AUTS2: variants seen among roughly 807,000 people sequenced by gnomAD.
The protein encoded by AUTS2 is activator of transcription and developmental regulator AUTS2.
AUTS2 carries 17 observed loss-of-function variants against 112.4 expected under a neutral mutation model. The ratio of observed to expected loss-of-function variants is 0.15; its 90% CI spans 0.10 to 0.23. The LOEUF is 0.23. Ranked by LOEUF, AUTS2 falls within the 10% of genes least tolerant of loss-of-function variation. AUTS2 has a pLI of 1.00. For synonymous variants in AUTS2, 751 were observed against 702.7 expected (o/e 1.07, Z -1.09); for missense variants, 1,510 against 1,701.6 (o/e 0.89, Z 1.98).
At chr7:70,431,961 G>C (rs1450256974) in intron 4 of AUTS2, among the ~76,000 whole-genome samples, 8 of 152,208 alleles carry the variant, frequency 5.3e-5, no homozygotes, top group Admixed American at 5.2e-4. Flanking sequence ...GTGATGGTTT[G>C]GGTCATGTCT....
Position 70,714,440 on chromosome 7 carries a change from A to T in AUTS2, c.742+15820A>T, listed in dbSNP as rs944122652. The stretch of plus-strand genomic sequence containing the variant: ...AAAAGAACATTTCTTACAAAATCAC[A>T]TGTTGTTATCACACTAACTAAATAT... On this transcript the variant is annotated intron_variant, in intron 6 of 18. Transcript: ENST00000342771. Among the ~76,000 whole-genome samples, 4 of 152,268 alleles carry T rather than the reference A, an allele frequency of 2.6e-5. No homozygotes were observed. In the South Asian group the frequency reaches 8.3e-4, roughly 32 times the overall value.
chr7:69,893,185 A>T (rs973234058), intron 1 of AUTS2, among the ~76,000 whole-genome samples: 4 of 152,220 alleles, frequency 2.6e-5, no homozygotes, highest in African/African-American at 9.6e-5. Flanking sequence ...TTAGGGATTA[A>T]TGTTTGAATG....
chr7:70,444,265 T>C (rs1419493134), intron 5 of AUTS2, among the ~76,000 whole-genome samples: 1 of 152,046 alleles, frequency 6.6e-6, no homozygotes, highest in African/African-American at 2.4e-5. Flanking sequence ...TCTTTGGTTG[T>C]CAGAGAATTT....
Position 70,045,248 on chromosome 7 carries a change from A to G in AUTS2, c.523-72884A>G, listed in dbSNP as rs113199559. On this transcript the variant is annotated intron_variant, in intron 2 of 18. Coordinates refer to ENST00000342771, the MANE Select transcript of AUTS2 (RefSeq NM_015570.4). ...AGATTTACTTTAACTACAAAACTGG[A>G]TATTTGTTTTAAAGCTGTGCTGTTT... Among the ~76,000 whole-genome samples, 732 of 152,258 alleles carry G rather than the reference A, an allele frequency of 4.8e-3. 8 individuals are homozygous for G. The highest frequency in any genetic ancestry group is 0.017 in the African/African-American group (689 of 41,542).
At chr7:69,658,953 T>A (rs532387346) in intron 1 of AUTS2, among the ~76,000 whole-genome samples, 55 of 152,218 alleles carry the variant, frequency 3.6e-4, no homozygotes, top group Admixed American at 3.9e-4. Flanking sequence ...TCCACTTCCA[T>A]TGACTGTTAA....
intron 6 of AUTS2, among the ~76,000 whole-genome samples, chr7:70,751,728 A>G (rs908911273): frequency 1.3e-5 from 2 of 152,018 alleles, no homozygotes; most frequent in Admixed American, 1.3e-4. Flanking sequence ...TTGAGCATAC[A>G]CTAGTTTTTT....
intron 1 of AUTS2, among the ~76,000 whole-genome samples, chr7:69,822,034 A>G (rs988578102): frequency 1.3e-5 from 2 of 152,110 alleles, no homozygotes; most frequent in African/African-American, 4.8e-5. Flanking sequence ...TCATGAATCT[A>G]ATTAAAAAAT....
chr7:69,633,890 G>A (rs1048363335), intron 1 of AUTS2, among the ~76,000 whole-genome samples: 1 of 151,934 alleles, frequency 6.6e-6, no homozygotes, highest in Non-Finnish European at 1.5e-5. Context: ...CTTCCAATTT[G>A]TAGGCTGCCA....
chr7:70,106,295 T>C (rs1174336387), intron 2 of AUTS2, among the ~76,000 whole-genome samples: 2 of 152,218 alleles, frequency 1.3e-5, no homozygotes, highest in African/African-American at 2.4e-5. Flanking sequence ...GTCGTCCTTG[T>C]CATGGTGCTC....
intron 4 of AUTS2, among the ~76,000 whole-genome samples, chr7:70,161,294 T>A (rs1808063048): frequency 6.6e-6 from 1 of 151,982 alleles, no homozygotes. Context: ...TTTTTTTTTT[T>A]CACTGAAAAT....
At chr7:70,165,813 G>A (rs950507977) in intron 4 of AUTS2, among the ~76,000 whole-genome samples, 2 of 152,204 alleles carry the variant, frequency 1.3e-5, no homozygotes, top group African/African-American at 2.4e-5. Flanking sequence ...TGAGATTAGA[G>A]TATGGGTTGA....
intron 2 of AUTS2, among the ~76,000 whole-genome samples, chr7:69,972,903 T>C (rs1251011747): frequency 3.9e-5 from 6 of 152,200 alleles, no homozygotes; most frequent in Non-Finnish European, 8.8e-5. Context: ...AGCTATTCTT[T>C]TTCAAAATTG....
chr7:69,602,065 T>C (rs1266547026), intron 1 of AUTS2, among the ~76,000 whole-genome samples: 1 of 120,730 alleles, frequency 8.3e-6, no homozygotes, highest in Non-Finnish European at 1.7e-5. Flanking sequence ...TGTGTGTGTG[T>C]GTGTGTGTGT....
chr7:69,610,312 A>C (rs144908817), intron 1 of AUTS2, among the ~76,000 whole-genome samples: 180 of 152,354 alleles, frequency 1.2e-3, no homozygotes, highest in African/African-American at 3.9e-3. Context: ...TCAATCAGAG[A>C]GGCTCTGCCT....
chr7:70,275,996 G>C (rs1483191248), intron 4 of AUTS2, among the ~76,000 whole-genome samples: 1 of 152,118 alleles, frequency 6.6e-6, no homozygotes, highest in African/African-American at 2.4e-5. Context: ...GAAAATTTCT[G>C]GCAATTAGTA....
At chr7:70,516,184 G>A (rs1391645247) in intron 5 of AUTS2, among the ~76,000 whole-genome samples, 1 of 152,200 alleles carries the variant, frequency 6.6e-6, no homozygotes, top group Non-Finnish European at 1.5e-5. Flanking sequence ...GTAGGGGTTA[G>A]CTTCAAGCCA....
At chr7:70,262,343 C>G (rs977804454) in intron 4 of AUTS2, among the ~76,000 whole-genome samples, 1 of 152,082 alleles carries the variant, frequency 6.6e-6, no homozygotes, top group Non-Finnish European at 1.5e-5. Context: ...GCACCTGCCA[C>G]CACACCCAAC....
At chr7:70,493,662 A>G (rs1284384907) in intron 5 of AUTS2, among the ~76,000 whole-genome samples, 5 of 152,178 alleles carry the variant, frequency 3.3e-5, no homozygotes, top group East Asian at 1.9e-4. Flanking sequence ...GAGTTAAAGC[A>G]TAAGTATCAG....
intron 2 of AUTS2, among the ~76,000 whole-genome samples, chr7:70,057,307 G>A (rs62458798): frequency 0.06 from 9,169 of 152,208 alleles, 406 homozygotes; most frequent in Non-Finnish European, 0.081. Flanking sequence ...GATTAATGAT[G>A]CCAAAACTTT....
Sources: gnomAD v4.1 joint callset for allele counts (sites outside exome capture counted in the v4.1 genomes callset) on GRCh38, gnomAD v4.1.1 for gene constraint, MANE v1.5 for transcripts, NCBI Gene and HGNC (gene_info 2026-07-23, HGNC 2026-07-21) for gene names.